Variants in DMD observed in about 807,000 individuals in gnomAD.
DMD encodes the protein dystrophin, also known as mutant dystrophin.
A neutral mutation model predicts 330.1 loss-of-function variants in DMD; 63 were observed. The ratio of observed to expected loss-of-function variants is 0.19; its 90% confidence interval spans 0.16 to 0.24. The LOEUF is 0.24. Ranked by LOEUF, DMD falls within the 10% of genes least tolerant of loss-of-function variation. The pLI, the probability that DMD is intolerant of heterozygous loss-of-function variation, is 1.00. For missense variants in DMD, 3,344 were observed against 2,684.1 expected (o/e 1.25, Z -5.43); for synonymous variants, 1,223 against 959.8 (o/e 1.27, Z -5.07).
chrX:32,787,247 TGAGAGA>T (rs1214278194), intron 7 of DMD, among the ~76,000 whole-genome samples: 4 of 77,570 alleles, frequency 5.2e-5, no homozygotes, highest in Non-Finnish European at 7.7e-5. Context: ...TGTGTGTGTG[TGAGAGA>T]GAGAGAGAGA....
chrX:31,817,196 A>C (rs1295283449), intron 50 of DMD, among the ~76,000 whole-genome samples: 1 of 112,606 alleles, frequency 8.9e-6, no homozygotes, highest in African/African-American at 3.2e-5. Flanking sequence ...CTACATATTT[A>C]ATAGTAGGAA....
intron 26 of DMD, among the ~76,000 whole-genome samples, chrX:32,452,222 G>A (rs1221391480): frequency 9.6e-6 from 1 of 103,687 alleles, no homozygotes; most frequent in Non-Finnish European, 2.0e-5. Flanking sequence ...ATAAATAGAC[G>A]CAGTGAGAAA....
intron 9 of DMD, among the ~76,000 whole-genome samples, chrX:32,647,142 C>T (rs983104612): frequency 6.3e-5 from 7 of 111,749 alleles, no homozygotes; most frequent in African/African-American, 2.3e-4. Context: ...GCAGAAGAAA[C>T]ACATGCCTCT....
chrX:32,893,319 G>A (rs1048532147), intron 2 of DMD, among the ~76,000 whole-genome samples: 16 of 111,762 alleles, frequency 1.4e-4, no homozygotes, highest in South Asian at 7.5e-4. Context: ...ACAAAAGCCC[G>A]TATTTAGAGC....
chrX:32,442,203 G>A (rs1216802023), intron 27 of DMD, among the ~76,000 whole-genome samples: 2 of 110,347 alleles, frequency 1.8e-5, no homozygotes, highest in African/African-American at 3.3e-5. Flanking sequence ...ATTAAAATTA[G>A]GACCTTCTAT....
rs200363840 is a variant in DMD, at chrX:32,228,128, T to C, written c.6291-11065A>G. ...AATATCCTTGAGATAAATTGATAAGTACTCAAATAGTTAGAGATTCATTTC... is the reference window on the plus strand; with the variant it reads ...AATATCCTTGAGATAAATTGATAAGCACTCAAATAGTTAGAGATTCATTTC... On this transcript the variant is annotated intron_variant, in intron 43 of 78. Transcript: ENST00000357033. Among the ~76,000 whole-genome samples, 5 of 111,743 alleles carry C rather than the reference T, an allele frequency of 4.5e-5. No individual in the cohort carries two copies. The East Asian group carries it at 1.4e-3, about 31-fold the overall frequency.
intron 23 of DMD, among the ~76,000 whole-genome samples, chrX:32,465,194 G>T (rs1022641373): frequency 8.9e-6 from 1 of 111,944 alleles, no homozygotes; most frequent in Admixed American, 9.5e-5. Flanking sequence ...TTCAAAGACA[G>T]AGCTTTTGCT....
chrX:32,111,080 A>T (rs1244850817), intron 44 of DMD, among the ~76,000 whole-genome samples: 1 of 112,370 alleles, frequency 8.9e-6, no homozygotes, highest in Non-Finnish European at 1.9e-5. Context: ...TTGCATAGCT[A>T]GTATGTACCC....
chrX:32,077,139 C>A (rs2096358502), intron 44 of DMD, among the ~76,000 whole-genome samples: 1 of 110,971 alleles, frequency 9.0e-6, no homozygotes, highest in African/African-American at 3.3e-5. Flanking sequence ...TAATGCTTAT[C>A]CATGGGGGTA....
At chrX:31,558,246 G>A (rs2074971400) in intron 55 of DMD, among the ~76,000 whole-genome samples, 1 of 111,554 alleles carries the variant, frequency 9.0e-6, no homozygotes, top group African/African-American at 3.3e-5. Context: ...TTGCTGGAAG[G>A]TAGAGTTTGT....
At position 32,361,303 on chromosome X, in the gene DMD, T is replaced by G. The variant is rs184189959; in HGVS notation, c.5325+1485A>C. 4.9e-3 allele frequency among the ~76,000 whole-genome samples: 551 copies of G among 111,585 alleles called. 1 individual carries two copies. Among genetic ancestry groups the G allele is most frequent in the African/African-American group, 0.016 (507 of 30,826 alleles). ...ACATTCTTTCAAAACTTTAATCAATTTTAAGAGCCTGTCACATTTTTTTGC... is the reference window on the plus strand; with the variant it reads ...ACATTCTTTCAAAACTTTAATCAATGTTAAGAGCCTGTCACATTTTTTTGC... On this transcript the variant is annotated intron_variant, in intron 37 of 78. Coordinates refer to ENST00000357033, the MANE Select transcript of DMD (RefSeq NM_004006.3).
At chrX:32,692,957 A>G (rs1437411168) in intron 9 of DMD, among the ~76,000 whole-genome samples, 1 of 112,264 alleles carries the variant, frequency 8.9e-6, no homozygotes, top group Non-Finnish European at 1.9e-5. Flanking sequence ...TATGAGTTAG[A>G]AACAGTTTCA....
intron 11 of DMD, among the ~76,000 whole-genome samples, chrX:32,630,350 T>C (rs1042786906): frequency 2.7e-5 from 3 of 111,119 alleles, no homozygotes; most frequent in Admixed American, 9.6e-5. Flanking sequence ...ATTACCGCTT[T>C]TAAGATCTTT....
intron 62 of DMD, among the ~76,000 whole-genome samples, chrX:31,280,770 G>A (rs185498141): frequency 1.5e-4 from 17 of 111,509 alleles, no homozygotes; most frequent in Non-Finnish European, 2.4e-4. Flanking sequence ...GATTAATTCC[G>A]AAAATATCAA....
chrX:32,740,092 C>T (rs766409060), intron 7 of DMD, among the ~76,000 whole-genome samples: 2 of 108,150 alleles, frequency 1.8e-5, no homozygotes, highest in African/African-American at 3.4e-5. Flanking sequence ...AAGTGATGTG[C>T]GCCATTTCCA....
At chrX:31,830,125 CTTAA>C (rs897043623) in intron 49 of DMD, among the ~76,000 whole-genome samples, 2 of 112,261 alleles carry the variant, frequency 1.8e-5, no homozygotes, top group Non-Finnish European at 3.8e-5. Context: ...ACAGAATTTG[CTTAA>C]TTAAAAAGGG....
intron 62 of DMD, among the ~76,000 whole-genome samples, chrX:31,296,320 T>C (rs1021990720): frequency 5.4e-5 from 6 of 112,014 alleles, no homozygotes; most frequent in African/African-American, 1.9e-4. Context: ...AAAATAAGAC[T>C]GATAGCTTGA....
chrX:32,593,112 G>C (rs2055119318), intron 13 of DMD, among the ~76,000 whole-genome samples: 1 of 112,973 alleles, frequency 8.9e-6, no homozygotes, highest in African/African-American at 3.2e-5. Context: ...GCCAGGCTGA[G>C]TGGGTGCAAG....
intron 4 of DMD, among the ~76,000 whole-genome samples, chrX:32,837,894 A>G (rs2079797500): frequency 8.9e-6 from 1 of 111,901 alleles, no homozygotes; most frequent in Admixed American, 9.5e-5. Context: ...AATTTAGTTA[A>G]TGTAACTGAA....
Sources: gnomAD v4.1 joint callset for allele counts (sites outside exome capture counted in the v4.1 genomes callset) on GRCh38, gnomAD v4.1.1 for gene constraint, MANE v1.5 for transcripts, NCBI Gene and HGNC (gene_info 2026-07-23, HGNC 2026-07-21) for gene names.